SRGAP2C: variants seen among roughly 807,000 people sequenced by gnomAD.
The protein encoded by SRGAP2C is SLIT-ROBO Rho GTPase-activating protein 2C.
A neutral mutation model predicts 25.1 loss-of-function variants in SRGAP2C; 15 were observed. The ratio of observed to expected loss-of-function variants is 0.60; its 90% CI spans 0.40 to 0.92. The LOEUF (loss-of-function observed/expected upper bound fraction) is 0.92, where lower values mean the gene tolerates loss of function less well. SRGAP2C is among the 40% of genes least tolerant of loss of function. The probability of loss-of-function intolerance (pLI) is 0.00; values close to 1 mark genes in which losing one functional copy is unlikely to be tolerated. For synonymous variants in SRGAP2C, 44 were observed against 96.6 expected (o/e 0.46, Z 3.19); for missense variants, 144 against 264.4 (o/e 0.54, Z 3.16).
At chr1:121,232,714 CAG>C (rs1166431620) in intron 2 of SRGAP2C, among the ~76,000 whole-genome samples, 1 of 152,162 alleles carries the variant, frequency 6.6e-6, no homozygotes, top group Non-Finnish European at 1.5e-5. Context: ...TGCTGACTTC[CAG>C]ATAGCCATTT....
chr1:121,362,647 G>A, intron 4 of SRGAP2C: 1 of 152,424 alleles, frequency 6.6e-6, no homozygotes. Flanking sequence ...GGAGGAGATG[G>A]CCCAGAGGCA....
intron 4 of SRGAP2C, among the ~76,000 whole-genome samples, chr1:121,328,902 A>C (rs1310037510): frequency 3.7e-4 from 46 of 125,338 alleles, no homozygotes; most frequent in African/African-American, 9.9e-4. Context: ...AAAAAAAAAA[A>C]AAACAAAAAA....
chr1:121,210,295 C>G (rs587605741), intron 2 of SRGAP2C, among the ~76,000 whole-genome samples: 9 of 142,266 alleles, frequency 6.3e-5, no homozygotes, highest in Middle Eastern at 3.5e-3. Context: ...GGTTCCCTAG[C>G]AGGGTAATTC....
intron 3 of SRGAP2C, among the ~76,000 whole-genome samples, chr1:121,298,189 T>G (rs1385192900): frequency 6.8e-6 from 1 of 146,042 alleles, no homozygotes; most frequent in Non-Finnish European, 1.5e-5. Context: ...AATTGTATGT[T>G]TTGTTCTGTA....
Position 121,372,878 on chromosome 1 carries a change from T to TGC in SRGAP2C, c.487-1092_487-1091dup, listed in dbSNP as rs1363166825. ...TGCACTCCTGTGTTACACACACACA[T>TGC]GCACACACACACACACACACACACA... is the stretch of plus-strand genomic sequence containing the variant. On this transcript the variant is annotated intron_variant, in intron 5 of 9. Coordinates refer to ENST00000367123, the MANE Select transcript of SRGAP2C (RefSeq NM_001329984.2). Among the ~76,000 whole-genome samples the TGC allele has an allele frequency of 1.5e-3, 94 of 62,910 alleles. 29 individuals are homozygous for TGC. Among genetic ancestry groups the TGC allele is most frequent in the Admixed American group, 5.4e-3 (37 of 6,904 alleles). The allele number at this position is 62,910 out of a possible 152,430, so 41.3% of individuals were successfully genotyped here.
chr1:121,263,126 G>T (rs587636792), intron 2 of SRGAP2C, among the ~76,000 whole-genome samples: 2 of 151,714 alleles, frequency 1.3e-5, no homozygotes, highest in African/African-American at 4.8e-5. Flanking sequence ...GGCTGAGTTG[G>T]GCAGATCGCT....
chr1:121,283,863 T>A (rs1657304711), intron 2 of SRGAP2C, among the ~76,000 whole-genome samples: 1 of 150,950 alleles, frequency 6.6e-6, no homozygotes, highest in East Asian at 2.0e-4. Flanking sequence ...AATGCAGTGC[T>A]GCATTTGAGG....
chr1:121,232,841 A>G (rs1655852397), intron 2 of SRGAP2C, among the ~76,000 whole-genome samples: 1 of 148,856 alleles, frequency 6.7e-6, no homozygotes, highest in Non-Finnish European at 1.5e-5. Context: ...TTAGGTGGGC[A>G]AAATAAGAAA....
chr1:121,313,899 G>A (rs1356823992), intron 3 of SRGAP2C, among the ~76,000 whole-genome samples: 13 of 137,342 alleles, frequency 9.5e-5, no homozygotes, highest in African/African-American at 3.3e-4. Context: ...TGACAGTTAT[G>A]TGTCTTCGAG....
chr1:121,201,903 C>A (rs1409740530), intron 2 of SRGAP2C, among the ~76,000 whole-genome samples: 1 of 152,084 alleles, frequency 6.6e-6, no homozygotes, highest in Non-Finnish European at 1.5e-5. Flanking sequence ...GCATGGGAAC[C>A]CCCTCCCCAC....
At chr1:121,256,283 C>G (rs1277414155) in intron 2 of SRGAP2C, among the ~76,000 whole-genome samples, 2 of 151,426 alleles carry the variant, frequency 1.3e-5, no homozygotes, top group Non-Finnish European at 3.0e-5. Context: ...AGCGTATATT[C>G]CTGAGCTTTG....
intron 7 of SRGAP2C, among the ~76,000 whole-genome samples, chr1:121,375,315 T>C (rs1659614422): frequency 1.4e-5 from 1 of 70,274 alleles, no homozygotes; most frequent in Admixed American, 1.8e-4. Context: ...AAATACTTTC[T>C]TCCTTTTTTT....
chr1:121,383,307 AG>A (rs1487291932), intron 8 of SRGAP2C, among the ~76,000 whole-genome samples: 4 of 146,804 alleles, frequency 2.7e-5, no homozygotes, highest in African/African-American at 5.0e-5. Flanking sequence ...AAAGTGAGGG[AG>A]GGGGGCGCTC....
Position 121,367,200 on chromosome 1 carries a change from A to G in SRGAP2C, c.486+1845A>G, listed in dbSNP as rs1365286024. Among the ~76,000 whole-genome samples the G allele has an allele frequency of 2.0e-5, 3 of 152,056 alleles. No individual in the cohort carries two copies. The East Asian group carries it at 5.8e-4, about 29-fold the overall frequency. ...AAGGTGAGCTGGAATACACCTTCAT[A>G]ATCTGTTAAAGGCCAAAATTAAAAT... On this transcript the variant is annotated intron_variant, in intron 5 of 9. Coordinates refer to ENST00000367123, the MANE Select transcript of SRGAP2C (RefSeq NM_001329984.2).
intron 3 of SRGAP2C, among the ~76,000 whole-genome samples, chr1:121,291,085 G>C (rs1307100951): frequency 7.3e-6 from 1 of 137,092 alleles, no homozygotes; most frequent in Non-Finnish European, 1.6e-5. Context: ...TGAAGGTTTT[G>C]GGGTAATCTA....
At chr1:121,279,687 G>A (rs1248057797) in intron 2 of SRGAP2C, among the ~76,000 whole-genome samples, 1 of 141,000 alleles carries the variant, frequency 7.1e-6, no homozygotes, top group Non-Finnish European at 1.5e-5. Flanking sequence ...GCATTTCCCA[G>A]GGGAAGCTTC....
chr1:121,239,218 AT>A (rs1656048740), intron 2 of SRGAP2C, among the ~76,000 whole-genome samples: 1 of 6,402 alleles, frequency 1.6e-4, no homozygotes, highest in Non-Finnish European at 2.2e-4. Context: ...ATATATATAT[AT>A]ATATATATAC....
intron 5 of SRGAP2C, among the ~76,000 whole-genome samples, chr1:121,368,383 G>A (rs1381951967): frequency 4.2e-5 from 6 of 142,448 alleles, no homozygotes; most frequent in African/African-American, 1.3e-4. Flanking sequence ...CCAGCCTGGG[G>A]GACAGAGCAA....
At chr1:121,199,036 G>T (rs1471735255) in intron 2 of SRGAP2C, among the ~76,000 whole-genome samples, 1 of 152,154 alleles carries the variant, frequency 6.6e-6, no homozygotes, top group Non-Finnish European at 1.5e-5. Context: ...TGATGATGAT[G>T]ATGGTTAGCA....
Sources: allele counts gnomAD v4.1 joint callset (sites outside exome capture counted in the v4.1 genomes callset), GRCh38; gene constraint gnomAD v4.1.1; transcripts MANE v1.5; gene names NCBI Gene and HGNC (gene_info 2026-07-23, HGNC 2026-07-21).